The following CDYL2 variants were observed in gnomAD, a reference collection of about 807,000 sequenced individuals.
CDYL2 encodes chromodomain Y like 2, also known as chromodomain Y-like protein 2.
In CDYL2, 23 loss-of-function variants were observed where a neutral mutation model predicts 49.4. That is an observed-to-expected ratio of 0.47 (90% CI 0.34 to 0.66). CDYL2 has a LOEUF of 0.66. Among genes scored for constraint, CDYL2 ranks in the 30% least tolerant of loss-of-function variants. CDYL2 has a pLI of 0.01. For missense variants in CDYL2, 678 were observed against 656.4 expected (o/e 1.03, Z -0.36); for synonymous variants, 360 against 268.8 (o/e 1.34, Z -3.32).
chr16:80,670,806 C>G (rs1022811916), intron 2 of CDYL2: 3 of 418,622 alleles, frequency 7.2e-6, no homozygotes, highest in African/African-American at 6.2e-5. Context: ...GGCTGGCGCT[C>G]CCAGGAACAC....
intron 3 of CDYL2, among the ~76,000 whole-genome samples, chr16:80,622,996 G>T (rs1404960832): frequency 6.6e-6 from 1 of 152,162 alleles, no homozygotes; most frequent in Non-Finnish European, 1.5e-5. Context: ...AGAGAAAGGT[G>T]ACTTTCTCAA....
chr16:80,733,184 G>A (rs1257281197), intron 1 of CDYL2, among the ~76,000 whole-genome samples: 2 of 152,158 alleles, frequency 1.3e-5, no homozygotes, highest in African/African-American at 2.4e-5. Context: ...GTTAGGAGGA[G>A]ACAAAGAAGT....
At chr16:80,712,873 T>C (rs1049592733) in intron 1 of CDYL2, among the ~76,000 whole-genome samples, 5 of 152,158 alleles carry the variant, frequency 3.3e-5, no homozygotes, top group African/African-American at 1.2e-4. Context: ...GTTGCAAGCT[T>C]AGTAAAGCCC....
At chr16:80,755,123 C>T (rs955582514) in intron 1 of CDYL2, among the ~76,000 whole-genome samples, 2 of 152,154 alleles carry the variant, frequency 1.3e-5, no homozygotes, top group African/African-American at 4.8e-5. Context: ...TTTCCTCATC[C>T]ACATCCTATT....
chr16:80,619,706 G>C (rs1050339417), intron 4 of CDYL2, among the ~76,000 whole-genome samples: 3 of 152,180 alleles, frequency 2.0e-5, no homozygotes, highest in Admixed American at 1.3e-4. Context: ...ACATAACAGT[G>C]CCCAGGCTCG....
chr16:80,707,804 G>C (rs1035942024), intron 1 of CDYL2, among the ~76,000 whole-genome samples: 1 of 152,216 alleles, frequency 6.6e-6, no homozygotes, highest in Admixed American at 6.5e-5. Flanking sequence ...CCCTGGCTCA[G>C]GTCAAGGGTT....
intron 1 of CDYL2, among the ~76,000 whole-genome samples, chr16:80,728,097 G>A (rs911931490): frequency 2.0e-5 from 3 of 152,198 alleles, no homozygotes; most frequent in Non-Finnish European, 4.4e-5. Flanking sequence ...AAAGCTGGAT[G>A]GGGAATGACT....
chr16:80,757,548 A>AT (rs1331773735), intron 1 of CDYL2, among the ~76,000 whole-genome samples: 1,687 of 144,510 alleles, frequency 0.012, 33 homozygotes, highest in African/African-American at 0.043. Context: ...CAAAAAAAAA[A>AT]AAAAAATATA....
chr16:80,605,014 A>G (rs1348441880), intron 6 of CDYL2, among the ~76,000 whole-genome samples: 5 of 152,230 alleles, frequency 3.3e-5, no homozygotes, highest in Non-Finnish European at 5.9e-5. Context: ...TCAGGCTACA[A>G]TGTTAGTAAT....
At chr16:80,606,455 C>T (rs901063637) in intron 6 of CDYL2, among the ~76,000 whole-genome samples, 4 of 152,172 alleles carry the variant, frequency 2.6e-5, no homozygotes, top group Non-Finnish European at 5.9e-5. Flanking sequence ...GCAGGCCAGT[C>T]TCCCACCCTC....
At chr16:80,760,441 G>A (rs1477556740) in intron 1 of CDYL2, among the ~76,000 whole-genome samples, 1 of 152,198 alleles carries the variant, frequency 6.6e-6, no homozygotes, top group African/African-American at 2.4e-5. Flanking sequence ...GGTGACTATA[G>A]TCAATAATAA....
At chr16:80,652,967 A>G (rs542292037) in intron 2 of CDYL2, among the ~76,000 whole-genome samples, 1 of 152,222 alleles carries the variant, frequency 6.6e-6, no homozygotes, top group Non-Finnish European at 1.5e-5. Flanking sequence ...TATTCCCTGA[A>G]TGGGACTCTG....
chr16:80,696,530 C>A (rs1378911564), intron 1 of CDYL2, among the ~76,000 whole-genome samples: 1 of 151,786 alleles, frequency 6.6e-6, no homozygotes, highest in Non-Finnish European at 1.5e-5. Context: ...GACATTACAA[C>A]TGATATTATC....
At chr16:80,678,704 C>T (rs1247653891) in intron 2 of CDYL2, among the ~76,000 whole-genome samples, 23 of 149,666 alleles carry the variant, frequency 1.5e-4, no homozygotes, top group Non-Finnish European at 8.9e-5. Flanking sequence ...GTCAGTGTGG[C>T]GATTCCTCAG....
intron 2 of CDYL2, among the ~76,000 whole-genome samples, chr16:80,677,986 A>C (rs1247274210): frequency 2.0e-5 from 3 of 151,836 alleles, no homozygotes; most frequent in Non-Finnish European, 4.4e-5. Flanking sequence ...TCTTTGACAA[A>C]CCTGAGAAAA....
chr16:80,721,862 C>T (rs1425454121), intron 1 of CDYL2, among the ~76,000 whole-genome samples: 1 of 152,144 alleles, frequency 6.6e-6, no homozygotes, highest in African/African-American at 2.4e-5. Context: ...TTGCCCTGTC[C>T]ACCTCTCCCC....
chr16:80,640,650 G>T (rs143934370), intron 2 of CDYL2, among the ~76,000 whole-genome samples: 29 of 152,254 alleles, frequency 1.9e-4, no homozygotes, highest in African/African-American at 7.0e-4. Context: ...GACCTTTCAG[G>T]CAGAGAATTC....
chr16:80,651,848 A>G (rs1486513699), intron 2 of CDYL2, among the ~76,000 whole-genome samples: 1 of 152,192 alleles, frequency 6.6e-6, no homozygotes, highest in East Asian at 1.9e-4. Flanking sequence ...ATACTGTTAT[A>G]CTTGTATACT....
chr16:80,728,720 G>A (rs1273296975), intron 1 of CDYL2, among the ~76,000 whole-genome samples: 13 of 152,182 alleles, frequency 8.5e-5, no homozygotes, highest in East Asian at 3.8e-4. Flanking sequence ...ACCCACAAAG[G>A]GAAGCCCATC....
Sources: allele counts gnomAD v4.1 joint callset (sites outside exome capture counted in the v4.1 genomes callset), GRCh38; gene constraint gnomAD v4.1.1; transcripts MANE v1.5; gene names NCBI Gene and HGNC (gene_info 2026-07-23, HGNC 2026-07-21).